RPS6KA2: variants seen among roughly 807,000 people sequenced by gnomAD.
RPS6KA2 encodes the protein ribosomal protein S6 kinase A2, also known as ribosomal protein S6 kinase alpha-2.
A neutral mutation model predicts 91.8 loss-of-function variants in RPS6KA2; 42 were observed. The observed-to-expected ratio is 0.46, with a 90% CI of 0.36 to 0.59. The LOEUF is 0.59. RPS6KA2 is among the 20% of genes least tolerant of loss of function. The pLI is 0.00. For missense variants in RPS6KA2, 798 were observed against 978.5 expected (o/e 0.82, Z 2.46); for synonymous variants, 414 against 393.6 (o/e 1.05, Z -0.61).
At chr6:166,756,082 A>C (rs1777999331) in intron 2 of RPS6KA2, among the ~76,000 whole-genome samples, 1 of 152,310 alleles carries the variant, frequency 6.6e-6, no homozygotes, top group African/African-American at 2.4e-5. Flanking sequence ...TGAGGTCAGG[A>C]GATGGAGACC....
In RPS6KA2 at chr6:166,862,096, TCCTGCACTCA is replaced by T. The variant is rs1257379189; in HGVS notation, c.63+2_63+11del. The stretch of plus-strand genomic sequence containing the variant: ...AGGATGCTGTGAAAAGTGCGTTCTC[TCCTGCACTCA>T]CCTCTATTTCCATAGGCTCCACCTC... On this transcript the variant is annotated splice_donor_variant and splice_donor_5th_base_variant and intron_variant, in intron 1 of 21. Coordinates refer to the RPS6KA2 transcript ENST00000503859. LOFTEE classifies it high-confidence loss of function. 1 of 1,614,206 alleles carries T rather than the reference TCCTGCACTCA, an allele frequency of 6.2e-7. No individual in the cohort carries two copies. Among genetic ancestry groups the T allele is most frequent in the Non-Finnish European group, 8.5e-7 (1 of 1,180,024 alleles).
At chr6:166,655,500 G>A (rs73041754) in intron 2 of RPS6KA2, among the ~76,000 whole-genome samples, 3,890 of 152,290 alleles carry the variant, frequency 0.026, 60 homozygotes, top group Non-Finnish European at 0.041. Context: ...AACTCAGGCC[G>A]GTCTGCAGAG....
chr6:166,551,459 C>T (rs1211781681), intron 1 of RPS6KA2, among the ~76,000 whole-genome samples: 3 of 152,102 alleles, frequency 2.0e-5, no homozygotes, highest in Non-Finnish European at 4.4e-5. Flanking sequence ...CCTATCCTGA[C>T]GATTCTTACG....
chr6:166,469,326 G>GTGTT (rs373623483), intron 11 of RPS6KA2, among the ~76,000 whole-genome samples: 14 of 137,782 alleles, frequency 1.0e-4, no homozygotes, highest in African/African-American at 3.8e-4. Context: ...CGGCACTGTT[G>GTGTT]TTTTTTTTTT....
At chr6:166,746,793 G>A (rs1583071585) in intron 2 of RPS6KA2, among the ~76,000 whole-genome samples, 1 of 152,208 alleles carries the variant, frequency 6.6e-6, no homozygotes, top group South Asian at 2.1e-4. Context: ...CTAAATAGGG[G>A]TTCCTATTGT....
At chr6:166,431,053 G>T (rs915393120) in intron 15 of RPS6KA2, among the ~76,000 whole-genome samples, 11 of 152,046 alleles carry the variant, frequency 7.2e-5, no homozygotes, top group African/African-American at 2.7e-4. Flanking sequence ...TTAGCCTCCC[G>T]AGTAGCTGGG....
intron 1 of RPS6KA2, among the ~76,000 whole-genome samples, chr6:166,622,892 C>A (rs1015052806): frequency 1.3e-5 from 2 of 152,264 alleles, no homozygotes; most frequent in African/African-American, 4.8e-5. Flanking sequence ...TATTGTTAGA[C>A]ATTAAGCTCA....
At chr6:166,854,158 T>C (rs893318626) in intron 2 of RPS6KA2, among the ~76,000 whole-genome samples, 3 of 152,208 alleles carry the variant, frequency 2.0e-5, no homozygotes, top group African/African-American at 2.4e-5. Context: ...ACATCACTAC[T>C]GCCTTCTTGA....
rs141596248 is a variant in RPS6KA2 at position 166,633,515 on chromosome 6, T to A, written c.124-94731A>T. On this transcript the variant is annotated intron_variant, in intron 2 of 21. Transcript: ENST00000503859. Reference sequence around the variant, plus strand: ...TTCTGTGGAAAATAAATCTTCTCGTTGAGCTGAGTTTTCTGTCATTAGCAG... The same window carrying A: ...TTCTGTGGAAAATAAATCTTCTCGTAGAGCTGAGTTTTCTGTCATTAGCAG... Among the ~76,000 whole-genome samples the A allele has an allele frequency of 1.1e-3, 170 of 152,382 alleles. 1 individual carries two copies. The highest frequency in any genetic ancestry group is 3.9e-3 in the African/African-American group (164 of 41,598).
rs147495414 is a variant in RPS6KA2, at chr6:166,446,161, G to A, written c.1332+2563C>T. On this transcript the variant is annotated intron_variant, in intron 14 of 20. Transcript: ENST00000265678. ...GCTCGTTGCACAGAAATGCCAATTC[G>A]TCCATCTTGGAAGGAAATCCAAACA... Among the ~76,000 whole-genome samples, 589 of 152,320 alleles carry A rather than the reference G, an allele frequency of 3.9e-3. 19 individuals are homozygous for A. The highest frequency in any genetic ancestry group is 0.033 in the Admixed American group (503 of 15,302).
At chr6:166,555,024 G>A (rs1784138218) in intron 1 of RPS6KA2, among the ~76,000 whole-genome samples, 2 of 152,232 alleles carry the variant, frequency 1.3e-5, no homozygotes, top group African/African-American at 2.4e-5. Flanking sequence ...TGTAAAAATT[G>A]ATGATTTCTC....
chr6:166,646,653 CCTT>C (rs1787612149), intron 2 of RPS6KA2, among the ~76,000 whole-genome samples: 1 of 152,228 alleles, frequency 6.6e-6, no homozygotes, highest in Non-Finnish European at 1.5e-5. Flanking sequence ...CTCTCAGGGA[CCTT>C]CTTCGTTTCA....
chr6:166,794,692 C>A (rs1278141816), intron 2 of RPS6KA2, among the ~76,000 whole-genome samples: 2 of 151,506 alleles, frequency 1.3e-5, no homozygotes, highest in Non-Finnish European at 2.9e-5. Flanking sequence ...ATGATGAGTT[C>A]ATGTCCTTTG....
chr6:166,460,301 A>G (rs1025540111), intron 11 of RPS6KA2, among the ~76,000 whole-genome samples: 1 of 152,222 alleles, frequency 6.6e-6, no homozygotes, highest in African/African-American at 2.4e-5. Flanking sequence ...CTGCCTGACA[A>G]TGCTTTCCAA....
chr6:166,624,813 A>G (rs1422998228), intron 1 of RPS6KA2, among the ~76,000 whole-genome samples: 4 of 152,152 alleles, frequency 2.6e-5, no homozygotes, highest in African/African-American at 9.7e-5. Context: ...ATGCATTTGT[A>G]AAAAAGAGAG....
At chr6:166,805,717 AATC>A (rs1286460467) in intron 2 of RPS6KA2, among the ~76,000 whole-genome samples, 1 of 152,220 alleles carries the variant, frequency 6.6e-6, no homozygotes, top group African/African-American at 2.4e-5. Context: ...TTCAACAAAA[AATC>A]ATAAGACATA....
At chr6:166,698,571 G>T (rs1789419835) in intron 2 of RPS6KA2, among the ~76,000 whole-genome samples, 1 of 152,192 alleles carries the variant, frequency 6.6e-6, no homozygotes, top group South Asian at 2.1e-4. Context: ...CAACTGTCAG[G>T]TATTAGACAG....
intron 2 of RPS6KA2, among the ~76,000 whole-genome samples, chr6:166,831,762 G>A (rs986403323): frequency 6.7e-6 from 1 of 148,200 alleles, no homozygotes; most frequent in African/African-American, 2.5e-5. Flanking sequence ...CACAATAACA[G>A]AATTACATAC....
At chr6:166,707,368 G>A (rs185523565) in intron 2 of RPS6KA2, among the ~76,000 whole-genome samples, 171 of 152,324 alleles carry the variant, frequency 1.1e-3, no homozygotes, top group Admixed American at 2.2e-3. Context: ...AGTGAAGGTC[G>A]GTTTCCAAAG....
Sources: allele counts gnomAD v4.1 joint callset (sites outside exome capture counted in the v4.1 genomes callset), GRCh38; gene constraint gnomAD v4.1.1; transcripts MANE v1.5; gene names NCBI Gene and HGNC (gene_info 2026-07-23, HGNC 2026-07-21).